Variants in XRN1 observed in about 807,000 individuals in gnomAD.
The protein encoded by XRN1 is strand-exchange protein 1 homolog.
A neutral mutation model predicts 222.3 loss-of-function variants in XRN1; 67 were observed. The ratio of observed to expected loss-of-function variants is 0.30; its 90% CI spans 0.25 to 0.37. The LOEUF (loss-of-function observed/expected upper bound fraction) is 0.37, where lower values mean the gene tolerates loss of function less well. XRN1 is among the 10% of genes least tolerant of loss of function. The pLI, the probability that XRN1 is intolerant of heterozygous loss-of-function variation, is 1.00. For missense variants in XRN1, 1,707 were observed against 2,000.2 expected, an observed-to-expected ratio of 0.85 and a Z score of 2.80; for synonymous variants, 643 against 652.4, an observed-to-expected ratio of 0.99 and a Z score of 0.22.
At chr3:142,380,776 C>T (rs1300936967) in intron 22 of XRN1, among the ~76,000 whole-genome samples, 3 of 151,984 alleles carry the variant, frequency 2.0e-5, no homozygotes, top group African/African-American at 7.3e-5. Flanking sequence ...CTTCCCACCT[C>T]AGCCTCTCAA....
At chr3:142,342,267 A>T (rs2066015652) in intron 33 of XRN1, among the ~76,000 whole-genome samples, 7 of 152,234 alleles carry the variant, frequency 4.6e-5, no homozygotes, top group Admixed American at 1.3e-4. Context: ...TGAAAACTAT[A>T]AAACATTGAT....
chr3:142,436,520 C>T (rs143918947), intron 1 of XRN1, among the ~76,000 whole-genome samples: 8 of 152,198 alleles, frequency 5.3e-5, no homozygotes, highest in African/African-American at 1.9e-4. Context: ...AAATTTGAAA[C>T]GTGTATCTTT....
intron 32 of XRN1, among the ~76,000 whole-genome samples, chr3:142,353,269 C>G (rs1323716851): frequency 6.6e-6 from 1 of 152,136 alleles, no homozygotes; most frequent in Admixed American, 6.6e-5. Context: ...ATTATCTATA[C>G]TCTCGACTCA....
chr3:142,441,843 G>T (rs998332123), intron 1 of XRN1, among the ~76,000 whole-genome samples: 2 of 152,208 alleles, frequency 1.3e-5, no homozygotes, highest in South Asian at 4.1e-4. Context: ...TAAGCCGCTC[G>T]AGGGGACCTT....
Position 142,403,952 on chromosome 3 carries a change from T to C in XRN1, c.1921A>G (p.Ile641Val), listed in dbSNP as rs2068243692. The C allele has an allele frequency of 6.2e-7, 1 of 1,602,330 alleles. No homozygotes were observed. The highest frequency in any genetic ancestry group is 8.5e-7 in the Non-Finnish European group (1 of 1,169,666). Residue 641 changes from isoleucine to valine, a missense_variant, in exon 17 of 41, where the codon ATA becomes GTA. Transcript: ENST00000392981. ...ATTCTGGTTATTTTGTTTTTGTTTA[T>C]GTCTACACGCCAAGCATCTAAGGAT... is the stretch of plus-strand genomic sequence containing the variant. The part of the protein sequence containing the change: ...IISLDAWRVD[I>V]NKNKITRIDQ...
chr3:142,324,049 G>C (rs2065441019), intron 37 of XRN1, among the ~76,000 whole-genome samples: 1 of 147,766 alleles, frequency 6.8e-6, no homozygotes, highest in African/African-American at 2.5e-5. Context: ...CACTCTTTTG[G>C]TTATTTTAAA....
intron 37 of XRN1, among the ~76,000 whole-genome samples, chr3:142,321,312 G>A (rs2065350091): frequency 6.6e-6 from 1 of 151,774 alleles, no homozygotes; most frequent in Non-Finnish European, 1.5e-5. Flanking sequence ...GTAGAGACAG[G>A]GTTTCACCAT....
At chr3:142,424,235 C>T (rs2069156351) in intron 5 of XRN1, among the ~76,000 whole-genome samples, 1 of 152,116 alleles carries the variant, frequency 6.6e-6, no homozygotes, top group Non-Finnish European at 1.5e-5. Context: ...GCTGGGATTA[C>T]AGGTATCTGC....
chr3:142,425,003 A>ACAG (rs1375827471), intron 5 of XRN1, among the ~76,000 whole-genome samples: 1 of 152,170 alleles, frequency 6.6e-6, no homozygotes, highest in Non-Finnish European at 1.5e-5. Context: ...AGGATTAGTC[A>ACAG]CACCTGTAGA....
chr3:142,417,253 T>G lies in XRN1; in HGVS notation c.1347-24A>C, dbSNP rs749302056. The G allele has an allele frequency of 1.4e-4, 217 of 1,605,460 alleles. No individual in the cohort carries two copies. In the East Asian group the frequency reaches 4.7e-3, roughly 35 times the overall value. On this transcript the variant is annotated intron_variant, in intron 12 of 40. Transcript: ENST00000392981. Reference sequence around the variant, plus strand: ...CACTGAAAATAGAATATTTTCATTATAACATATTTTCTGAAGACAGGCCCG... The same window carrying G: ...CACTGAAAATAGAATATTTTCATTAGAACATATTTTCTGAAGACAGGCCCG...
intron 20 of XRN1, among the ~76,000 whole-genome samples, chr3:142,390,190 G>A (rs1223438021): frequency 6.6e-6 from 1 of 152,192 alleles, no homozygotes; most frequent in Non-Finnish European, 1.5e-5. Context: ...TGAGCACCGG[G>A]TTCAACTTAA....
chr3:142,444,045 G>C (rs1211724537), intron 1 of XRN1, among the ~76,000 whole-genome samples: 1 of 152,196 alleles, frequency 6.6e-6, no homozygotes, highest in Admixed American at 6.5e-5. Context: ...TAGAACTCAT[G>C]GACATAGAAA....
intron 1 of XRN1, among the ~76,000 whole-genome samples, chr3:142,438,097 G>A (rs1462369510): frequency 6.6e-6 from 1 of 152,208 alleles, no homozygotes; most frequent in Non-Finnish European, 1.5e-5. Flanking sequence ...CTGTTGGCAG[G>A]AATGTAAATT....
At chr3:142,377,118 A>T (rs754155413) in intron 23 of XRN1, among the ~76,000 whole-genome samples, 1 of 152,074 alleles carries the variant, frequency 6.6e-6, no homozygotes, top group Non-Finnish European at 1.5e-5. Context: ...AATATTTACT[A>T]TCATATGAAA....
intron 2 of XRN1, 137 bp downstream of exon 2, chr3:142,432,524 C>G (rs995217019): frequency 1.2e-6 from 1 of 800,282 alleles, no homozygotes; most frequent in Non-Finnish European, 1.9e-6. Context: ...AAATATGACA[C>G]TGAGATATTT....
intron 6 of XRN1, 67 bp downstream of exon 6, chr3:142,423,493 G>T: frequency 1.6e-6 from 2 of 1,282,874 alleles, no homozygotes; most frequent in Non-Finnish European, 2.1e-6. Context: ...TTACAAACAT[G>T]TATCTGTTAA....
intron 29 of XRN1, among the ~76,000 whole-genome samples, chr3:142,360,686 A>C (rs1243002734): frequency 6.6e-6 from 1 of 151,722 alleles, no homozygotes; most frequent in African/African-American, 2.4e-5. Context: ...AACACAGTGA[A>C]ACCCCGTCTC....
intron 37 of XRN1, among the ~76,000 whole-genome samples, chr3:142,319,937 C>T (rs1378988176): frequency 6.6e-6 from 1 of 152,084 alleles, no homozygotes; most frequent in African/African-American, 2.4e-5. Flanking sequence ...CACACGCACG[C>T]ACACATACCC....
chr3:142,356,815 G>C (rs2066477975), intron 31 of XRN1, 97 bp downstream of exon 31: 1 of 1,315,108 alleles, frequency 7.6e-7, no homozygotes, highest in African/African-American at 1.5e-5. Flanking sequence ...AAATAAAAGA[G>C]GGAAACTAAG....
Sources: allele counts gnomAD v4.1 joint callset (sites outside exome capture counted in the v4.1 genomes callset), GRCh38; gene constraint gnomAD v4.1.1; transcripts MANE v1.5; gene names NCBI Gene and HGNC (gene_info 2026-07-23, HGNC 2026-07-21).